PMF1: variants seen among roughly 807,000 people sequenced by gnomAD.
PMF1 encodes polyamine modulated factor 1.
A neutral mutation model predicts 26.7 loss-of-function variants in PMF1; 21 were observed. That is an observed-to-expected ratio of 0.79 (90% CI 0.56 to 1.13). The LOEUF is 1.13. PMF1 is among the 50% of genes most tolerant of loss of function. PMF1 has a pLI of 0.00. For missense variants in PMF1, 266 were observed against 254.9 expected, an observed-to-expected ratio of 1.04 and a Z score of -0.30; for synonymous variants, 105 against 101.0, an observed-to-expected ratio of 1.04 and a Z score of -0.24.
At chr1:156,235,666 C>T (rs1419284027) in intron 3 of PMF1, among the ~76,000 whole-genome samples, 1 of 151,994 alleles carries the variant, frequency 6.6e-6, no homozygotes, top group Non-Finnish European at 1.5e-5. Flanking sequence ...TGCTCTCGAT[C>T]TCCTGACCTC....
intron 1 of PMF1, among the ~76,000 whole-genome samples, chr1:156,219,393 A>G (rs1435815761): frequency 6.6e-6 from 1 of 152,046 alleles, no homozygotes; most frequent in Admixed American, 6.6e-5. Flanking sequence ...AACTTTCCCA[A>G]ATACCATCAA....
At chr1:156,223,617 C>G (rs1226845347) in intron 1 of PMF1, 1 of 152,074 alleles carries the variant, frequency 6.6e-6, no homozygotes, top group Admixed American at 6.6e-5. Flanking sequence ...ACTAATCAGT[C>G]CTCAGTTTCC....
At chr1:156,233,293 A>G (rs1398669030) in intron 2 of PMF1, among the ~76,000 whole-genome samples, 2 of 150,298 alleles carry the variant, frequency 1.3e-5, no homozygotes, top group Non-Finnish European at 3.0e-5. Context: ...AGCTGGGATG[A>G]CAGCTGAGTG....
At chr1:156,238,274 A>G (rs1206713122) in intron 4 of PMF1, among the ~76,000 whole-genome samples, 3 of 152,226 alleles carry the variant, frequency 2.0e-5, no homozygotes, top group African/African-American at 2.4e-5. Context: ...CCCAATATTT[A>G]AATAACGTGT....
At chr1:156,219,839 T>C (rs1657982577) in intron 1 of PMF1, among the ~76,000 whole-genome samples, 2 of 152,186 alleles carry the variant, frequency 1.3e-5, no homozygotes, top group Non-Finnish European at 2.9e-5. Flanking sequence ...AACCTCCGCC[T>C]CCCTGGCTTA....
chr1:156,228,510 G>A (rs1307163771), intron 1 of PMF1, among the ~76,000 whole-genome samples: 1 of 151,884 alleles, frequency 6.6e-6, no homozygotes, highest in African/African-American at 2.4e-5. Context: ...GTGTGTTTCT[G>A]TGGTCCTTCA....
intron 1 of PMF1, among the ~76,000 whole-genome samples, chr1:156,216,226 A>G (rs1416350370): frequency 2.0e-5 from 3 of 151,888 alleles, no homozygotes; most frequent in Non-Finnish European, 4.4e-5. Flanking sequence ...CCCCATCTCT[A>G]CTACAAATAT....
chr1:156,220,156 G>A (rs1658005605), intron 1 of PMF1, among the ~76,000 whole-genome samples: 2 of 151,860 alleles, frequency 1.3e-5, no homozygotes, highest in African/African-American at 4.8e-5. Flanking sequence ...AGCAGAGACG[G>A]GGTTTCACTG....
intron 1 of PMF1, among the ~76,000 whole-genome samples, chr1:156,216,487 CTG>C (rs1657709840): frequency 6.6e-6 from 1 of 151,848 alleles, no homozygotes; most frequent in Admixed American, 6.5e-5. Context: ...GGTTGGGACT[CTG>C]GATGCGTGCG....
chr1:156,234,517 T>G (rs1478765676), intron 3 of PMF1, among the ~76,000 whole-genome samples: 1 of 146,324 alleles, frequency 6.8e-6, no homozygotes, highest in Non-Finnish European at 1.5e-5. Context: ...TTTTTTTTTC[T>G]ATTTTTTTTA....
chr1:156,221,422 C>T (rs142242528), intron 1 of PMF1, among the ~76,000 whole-genome samples: 7 of 152,274 alleles, frequency 4.6e-5, no homozygotes, highest in Middle Eastern at 3.4e-3. Flanking sequence ...TGATAGACAC[C>T]GGTTATTTAT....
At chr1:156,225,634 G>A (rs767198816) in intron 1 of PMF1, 2 of 1,562,452 alleles carry the variant, frequency 1.3e-6, no homozygotes, top group South Asian at 2.4e-5. Context: ...CAGGCCTTCA[G>A]TTGGGCGGCG....
At chr1:156,236,749 C>T in intron 4 of PMF1, 1 of 496,624 alleles carries the variant, frequency 2.0e-6, no homozygotes, top group Non-Finnish European at 3.6e-6. Context: ...CCAGAGAGGG[C>T]AGGTGAGTCA....
intron 3 of PMF1, 44 bp downstream of exon 3, chr1:156,233,772 G>A: frequency 1.3e-6 from 2 of 1,483,798 alleles, no homozygotes; most frequent in Non-Finnish European, 1.8e-6. Flanking sequence ...GAAAGAGGCA[G>A]CAATTAAGCT....
chr1:156,217,396 A>G (rs1657831072), intron 1 of PMF1, among the ~76,000 whole-genome samples: 1 of 152,094 alleles, frequency 6.6e-6, no homozygotes, highest in East Asian at 1.9e-4. Context: ...TGTGCTACAT[A>G]TGCCATTTTT....
In PMF1 at chr1:156,233,591, C is replaced by G. The variant is rs1170727146; in HGVS notation, c.268-37C>G. 2.5e-6 allele frequency: 4 copies of G among 1,605,780 alleles called. No homozygotes were observed. In the African/African-American group the frequency reaches 5.4e-5, roughly 22 times the overall value. ...TAGCATATTTTTGCCATGAGCTCAT[C>G]TCGTGTCATTACAGCTCTTTCCTCC... On this transcript the variant is annotated intron_variant, in intron 2 of 4. Transcript: ENST00000368277.
At chr1:156,233,785 T>TC (rs1368330326) in intron 3 of PMF1, 57 bp downstream of exon 3, 2 of 1,526,050 alleles carry the variant, frequency 1.3e-6, no homozygotes, top group African/African-American at 2.8e-5. Flanking sequence ...ATTAAGCTTT[T>TC]TTTTTTTTTT....
At position 156,235,414 on chromosome 1, in the gene PMF1, G is replaced by A. The variant is rs923394111; in HGVS notation, c.369-874G>A. Among the ~76,000 whole-genome samples the A allele has an allele frequency of 4.1e-4, 59 of 145,226 alleles. No homozygotes were observed. In the South Asian group the frequency reaches 5.1e-3, roughly 13 times the overall value. On this transcript the variant is annotated intron_variant, in intron 3 of 4. Transcript: ENST00000368277. ...GCTGAGATTACAGGCATGAGCCACC[G>A]CGCTCAGCCATTGAAAAATAATTTT...
At chr1:156,213,950 G>C (rs971289955) in intron 1 of PMF1, among the ~76,000 whole-genome samples, 4 of 152,042 alleles carry the variant, frequency 2.6e-5, no homozygotes, top group African/African-American at 9.7e-5. Context: ...GTCTCGTCCT[G>C]TCGCCCAGGC....
Sources: allele counts gnomAD v4.1 joint callset (sites outside exome capture counted in the v4.1 genomes callset), GRCh38; gene constraint gnomAD v4.1.1; transcripts MANE v1.5; gene names NCBI Gene and HGNC (gene_info 2026-07-23, HGNC 2026-07-21).